The following XYLT1 variants were observed in gnomAD, a reference collection of about 807,000 sequenced individuals.
XYLT1 encodes beta-D-xylosyltransferase 1.
In XYLT1, 36 loss-of-function variants were observed where a neutral mutation model predicts 91.3. That is an observed-to-expected ratio of 0.39 (90% CI 0.30 to 0.52). The LOEUF is 0.52. Among genes scored for constraint, XYLT1 ranks in the 20% least tolerant of loss-of-function variants. The pLI is 0.68. For synonymous variants in XYLT1, 588 were observed against 532.0 expected (o/e 1.11, Z -1.45); for missense variants, 1,242 against 1,284.5 (o/e 0.97, Z 0.51).
At chr16:17,164,038 CAAAAAAAAAAAAAAAAAA>C (rs57343034) in intron 5 of XYLT1, among the ~76,000 whole-genome samples, 2 of 44,414 alleles carry the variant, frequency 4.5e-5, no homozygotes, top group African/African-American at 7.5e-5. Flanking sequence ...AACTCTGTCT[CAAAAAAAAAAAAAAAAAA>C]AAAAAAAAAA....
intron 1 of XYLT1, among the ~76,000 whole-genome samples, chr16:17,412,344 C>T (rs549383888): frequency 3.3e-5 from 5 of 151,820 alleles, no homozygotes; most frequent in African/African-American, 7.3e-5. Flanking sequence ...ACCAGGTCCA[C>T]GTGAGGGGGT....
At chr16:17,223,770 T>C (rs554339252) in intron 3 of XYLT1, among the ~76,000 whole-genome samples, 37 of 152,318 alleles carry the variant, frequency 2.4e-4, no homozygotes, top group South Asian at 1.7e-3. Flanking sequence ...TGTGTTCCAA[T>C]AAAATTTGAC....
chr16:17,340,337 G>A (rs754953205), intron 2 of XYLT1, among the ~76,000 whole-genome samples: 5 of 152,220 alleles, frequency 3.3e-5, no homozygotes, highest in Non-Finnish European at 7.3e-5. Context: ...CACAGAATGT[G>A]CCTGCAGCTC....
chr16:17,338,148 C>A (rs1374384513), intron 2 of XYLT1: 1 of 455,784 alleles, frequency 2.2e-6, no homozygotes, highest in Admixed American at 2.4e-5. Flanking sequence ...AGGCCTTTAT[C>A]ATAACTCCCC....
At position 17,106,775 on chromosome 16, in the gene XYLT1, T is replaced by G. The variant is rs375460793; in HGVS notation, c.*1920A>C. ...GGGAGGCTCAGGAATTCCAATACTC[T>G]TGGAATCCGAGGGAGAGTGAGGCTG... is the stretch of plus-strand genomic sequence containing the variant. On this transcript the variant is annotated 3_prime_UTR_variant, in exon 12 of 12. Coordinates refer to ENST00000261381, the MANE Select transcript of XYLT1 (RefSeq NM_022166.4). The G allele has an allele frequency of 4.4e-4, 67 of 152,192 alleles. No individual in the cohort carries two copies. Among genetic ancestry groups the G allele is most frequent in the African/African-American group, 1.6e-3 (65 of 41,522 alleles). 9.4% of individuals were successfully genotyped at this position (152,192 alleles called of 1,614,324 possible). A position where few individuals can be genotyped will look rare whatever the true frequency, so the allele number is the denominator to read the frequency against.
intron 1 of XYLT1, among the ~76,000 whole-genome samples, chr16:17,382,649 C>T (rs2035695883): frequency 6.6e-6 from 1 of 151,754 alleles, no homozygotes; most frequent in Admixed American, 6.6e-5. Context: ...TACAGAGGAG[C>T]CAGTGTAACT....
In XYLT1 at chr16:17,103,192, T is replaced by C. The variant is rs1241774096; in HGVS notation, c.*5503A>G. 1 of 152,584 alleles carries C rather than the reference T, an allele frequency of 6.6e-6. No individual in the cohort carries two copies. The highest frequency in any genetic ancestry group is 1.5e-5 in the Non-Finnish European group (1 of 68,032). 9.5% of individuals were successfully genotyped at this position (152,584 alleles called of 1,614,324 possible). On this transcript the variant is annotated 3_prime_UTR_variant, in exon 12 of 12. Coordinates refer to ENST00000261381, the MANE Select transcript of XYLT1 (RefSeq NM_022166.4). ...GACGAAGAGATAAATGGAGAACGTC[T>C]CCTGATTTACCCTTGAATGAAGTAC...
chr16:17,356,107 A>C (rs1427527219), intron 2 of XYLT1, among the ~76,000 whole-genome samples: 6 of 152,042 alleles, frequency 3.9e-5, no homozygotes, highest in Non-Finnish European at 8.8e-5. Context: ...TGCCAGTTGT[A>C]AACCCCCCAA....
chr16:17,467,928 C>T (rs1406816824), intron 1 of XYLT1, among the ~76,000 whole-genome samples: 2 of 152,168 alleles, frequency 1.3e-5, no homozygotes, highest in Admixed American at 6.5e-5. Flanking sequence ...CTACAAGAGC[C>T]ATCTGGAAAA....
chr16:17,215,622 G>A (rs1306111841), intron 3 of XYLT1, among the ~76,000 whole-genome samples: 1 of 152,130 alleles, frequency 6.6e-6, no homozygotes, highest in African/African-American at 2.4e-5. Context: ...AGCCCAGGCA[G>A]ACTAATATAC....
chr16:17,248,383 A>G (rs1414532155), intron 3 of XYLT1, among the ~76,000 whole-genome samples: 2 of 152,182 alleles, frequency 1.3e-5, no homozygotes, highest in African/African-American at 4.8e-5. Flanking sequence ...AGGGGGGCCT[A>G]CCTTCCCCTC....
At chr16:17,306,557 G>GATATATATATAT (rs35971345) in intron 2 of XYLT1, among the ~76,000 whole-genome samples, 4,770 of 146,336 alleles carry the variant, frequency 0.033, 100 homozygotes, top group Middle Eastern at 0.08. Context: ...TGTCACAAAA[G>GATATATATATAT]ATATATATAT....
At chr16:17,255,485 G>A (rs1161075341) in intron 3 of XYLT1, among the ~76,000 whole-genome samples, 1 of 152,116 alleles carries the variant, frequency 6.6e-6, no homozygotes, top group Non-Finnish European at 1.5e-5. Context: ...TATACAGAAG[G>A]AGCTCAATAT....
At chr16:17,233,000 T>C (rs1487634548) in intron 3 of XYLT1, among the ~76,000 whole-genome samples, 1 of 152,160 alleles carries the variant, frequency 6.6e-6, no homozygotes, top group African/African-American at 2.4e-5. Context: ...CATATCACTC[T>C]CTGACATACA....
chr16:17,253,012 G>T (rs1057492490), intron 3 of XYLT1, among the ~76,000 whole-genome samples: 32 of 152,100 alleles, frequency 2.1e-4, no homozygotes, highest in Non-Finnish European at 4.4e-4. Context: ...ATTTAGCAAA[G>T]AAATAAAAGG....
At chr16:17,330,901 G>A (rs2034887709) in intron 2 of XYLT1, among the ~76,000 whole-genome samples, 1 of 152,174 alleles carries the variant, frequency 6.6e-6, no homozygotes, top group African/African-American at 2.4e-5. Context: ...GAGCACCTGA[G>A]GAGTTTCAGG....
intron 5 of XYLT1, among the ~76,000 whole-genome samples, chr16:17,168,417 A>G (rs2031748488): frequency 1.3e-5 from 2 of 152,164 alleles, no homozygotes; most frequent in African/African-American, 4.8e-5. Flanking sequence ...GAAAATGGGA[A>G]CAAACACTGG....
chr16:17,123,590 A>G (rs1421232955), intron 10 of XYLT1, among the ~76,000 whole-genome samples: 1 of 152,148 alleles, frequency 6.6e-6, no homozygotes, highest in Admixed American at 6.5e-5. Flanking sequence ...TTTGTGGCCT[A>G]TCATATGGTC....
chr16:17,440,827 TTTGGG>T (rs1179008129), intron 1 of XYLT1, among the ~76,000 whole-genome samples: 1 of 152,054 alleles, frequency 6.6e-6, no homozygotes, highest in African/African-American at 2.4e-5. Context: ...AGTTTCACAC[TTTGGG>T]TCAGGGGAGT....
Sources: allele counts gnomAD v4.1 joint callset (sites outside exome capture counted in the v4.1 genomes callset), GRCh38; gene constraint gnomAD v4.1.1; transcripts MANE v1.5; gene names NCBI Gene and HGNC (gene_info 2026-07-23, HGNC 2026-07-21).